SMAD2: variants seen among roughly 807,000 people sequenced by gnomAD.
The protein encoded by SMAD2 is SMAD family member 2.
A neutral mutation model predicts 64.4 loss-of-function variants in SMAD2; 8 were observed. The observed-to-expected ratio is 0.12, with a 90% CI of 0.07 to 0.22. The LOEUF (loss-of-function observed/expected upper bound fraction) is 0.22. Among genes scored for constraint, SMAD2 ranks in the 10% least tolerant of loss-of-function variants. The pLI, the probability that SMAD2 is intolerant of heterozygous loss-of-function variation, is 1.00. For synonymous variants in SMAD2, 203 were observed against 195.8 expected, an observed-to-expected ratio of 1.04 and a Z score of -0.31; for missense variants, 289 against 561.2, an observed-to-expected ratio of 0.51 and a Z score of 4.90.
At chr18:47,875,025 G>A (rs144992292) in intron 2 of SMAD2, among the ~76,000 whole-genome samples, 18 of 152,184 alleles carry the variant, frequency 1.2e-4, no homozygotes, top group South Asian at 1.0e-3. Flanking sequence ...CATTTAAAGC[G>A]CAGTTTGGGC....
At chr18:47,908,939 CAAG>C (rs1297061719) in intron 1 of SMAD2, among the ~76,000 whole-genome samples, 3 of 152,230 alleles carry the variant, frequency 2.0e-5, no homozygotes, top group Middle Eastern at 6.8e-3. Context: ...ACAGTGCTCC[CAAG>C]AAGCAGAGAA....
intron 1 of SMAD2, among the ~76,000 whole-genome samples, chr18:47,926,838 G>T (rs2034786787): frequency 6.6e-6 from 1 of 152,190 alleles, no homozygotes; most frequent in Non-Finnish European, 1.5e-5. Flanking sequence ...TCATTTGGGA[G>T]GACCCTTATA....
chr18:47,896,561 T>C lies in SMAD2; in HGVS notation c.196A>G (p.Thr66Ala). The change falls in exon 2 of 11, where the codon ACC (threonine) becomes GCC (alanine). Residue 66 changes from threonine to alanine, a missense_variant. Physicochemically the swap from Thr to Ala is moderately conservative, Grantham distance 58. Coordinates refer to ENST00000262160, the MANE Select transcript of SMAD2 (RefSeq NM_005901.6). ...GRLDELEKAI[T>A]TQNCNTKCVT... ...CATTTAGTATTACAGTTTTGAGTGG[T>C]GATGGCTTTCTCAAGCTCATCTAAT... is the stretch of plus-strand genomic sequence containing the variant. The C allele has an allele frequency of 1.2e-6, 2 of 1,614,190 alleles. No homozygotes were observed. The highest frequency in any genetic ancestry group is 1.1e-5 in the South Asian group (1 of 91,090).
Position 47,835,248 on chromosome 18 carries a change from AT to A in SMAD2, c.*6578del, listed in dbSNP as rs1913308161. The A allele has an allele frequency of 4.6e-6, 1 of 216,638 alleles. No individual in the cohort carries two copies. Among genetic ancestry groups the A allele is most frequent in the South Asian group, 1.9e-4 (1 of 5,376 alleles). 13.4% of individuals were successfully genotyped at this position (216,638 alleles called of 1,614,324 possible). A position where few individuals can be genotyped will look rare whatever the true frequency, so the allele number is the denominator to read the frequency against. On this transcript the variant is annotated 3_prime_UTR_variant, in exon 11 of 11. Coordinates refer to ENST00000262160, the MANE Select transcript of SMAD2 (RefSeq NM_005901.6). ...AAGAAAGTACCAATTTGGGTTCTAT[AT>A]TTTGTCAAACAGTTGGGTTTTTAAA...
intron 7 of SMAD2, among the ~76,000 whole-genome samples, chr18:47,850,486 T>C (rs868082969): frequency 6.9e-5 from 2 of 28,902 alleles, no homozygotes. Context: ...ATATATTATA[T>C]ATTATGTATA....
intron 5 of SMAD2, among the ~76,000 whole-genome samples, chr18:47,867,840 T>C (rs1024060599): frequency 6.6e-6 from 1 of 152,162 alleles, no homozygotes; most frequent in Non-Finnish European, 1.5e-5. Context: ...GTTCGTGTTA[T>C]AATATGTAAG....
At chr18:47,926,335 C>G (rs2034760815) in intron 1 of SMAD2, among the ~76,000 whole-genome samples, 1 of 152,172 alleles carries the variant, frequency 6.6e-6, no homozygotes, top group African/African-American at 2.4e-5. Flanking sequence ...ATGATTTAGG[C>G]TAATTGATGA....
intron 3 of SMAD2, among the ~76,000 whole-genome samples, chr18:47,869,907 C>T (rs2144381879): frequency 6.6e-6 from 1 of 152,132 alleles, no homozygotes; most frequent in South Asian, 2.1e-4. Context: ...ACTCTTTACC[C>T]AGTTGTGACT....
chr18:47,864,022 A>G (rs1005622704), intron 6 of SMAD2, among the ~76,000 whole-genome samples: 2 of 152,092 alleles, frequency 1.3e-5, no homozygotes, highest in African/African-American at 4.8e-5. Flanking sequence ...ATCTTTTCCC[A>G]TCATTCACTT....
At chr18:47,927,239 G>A (rs1268106897) in intron 1 of SMAD2, among the ~76,000 whole-genome samples, 1 of 152,154 alleles carries the variant, frequency 6.6e-6, no homozygotes, top group African/African-American at 2.4e-5. Context: ...AAGACTGGCC[G>A]TATCTTCAGT....
chr18:47,853,787 GCTGGCAAGTCACA>G (rs2030389391), intron 6 of SMAD2, among the ~76,000 whole-genome samples: 1 of 83,806 alleles, frequency 1.2e-5, no homozygotes, highest in Admixed American at 1.4e-4. Context: ...TCACAAATCT[GCTGGCAAGTCACA>G]ACAGGTACAA....
At chr18:47,886,364 T>A (rs1297210967) in intron 2 of SMAD2, among the ~76,000 whole-genome samples, 1 of 152,230 alleles carries the variant, frequency 6.6e-6, no homozygotes. Context: ...CATAGATTAA[T>A]GTTTTATACC....
chr18:47,890,884 G>C (rs908420201), intron 2 of SMAD2, among the ~76,000 whole-genome samples: 1 of 152,098 alleles, frequency 6.6e-6, no homozygotes, highest in Non-Finnish European at 1.5e-5. Flanking sequence ...AGCTATTCCT[G>C]GTTACCTAGA....
chr18:47,854,232 C>T (rs2030442880), intron 6 of SMAD2, among the ~76,000 whole-genome samples: 1 of 152,160 alleles, frequency 6.6e-6, no homozygotes, highest in Admixed American at 6.5e-5. Flanking sequence ...TGTGAATTAG[C>T]AGTGTCTACT....
chr18:47,849,134 A>G (rs1173610784), intron 7 of SMAD2, among the ~76,000 whole-genome samples: 1 of 152,124 alleles, frequency 6.6e-6, no homozygotes, highest in Non-Finnish European at 1.5e-5. Context: ...GTAATAATAA[A>G]AGGATACAAA....
Position 47,837,383 on chromosome 18 carries a change from A to T in SMAD2, c.*4444T>A, listed in dbSNP as rs1368465289. ...CGAGACCATCCTGGCCAACACGGTG[A>T]AACCCCGTCTCTACTAAAAATACAA... On this transcript the variant is annotated 3_prime_UTR_variant, in exon 11 of 11. Transcript: ENST00000262160. The T allele has an allele frequency of 5.2e-6, 1 of 191,446 alleles. No homozygotes were observed. Among genetic ancestry groups the T allele is most frequent in the East Asian group, 8.3e-5 (1 of 11,986 alleles). The allele number at this position is 191,446 out of a possible 1,614,324, so 11.9% of individuals were successfully genotyped here. A position where few individuals can be genotyped will look rare whatever the true frequency, so the allele number is the denominator to read the frequency against.
intron 1 of SMAD2, among the ~76,000 whole-genome samples, chr18:47,898,213 C>T (rs1468509093): frequency 2.0e-5 from 3 of 152,188 alleles, no homozygotes; most frequent in African/African-American, 7.2e-5. Context: ...TATCATTCCA[C>T]ATTGCTGGTG....
chr18:47,877,080 T>C lies in SMAD2; in HGVS notation c.237-6516A>G, dbSNP rs551145792. Reference sequence around the variant, plus strand: ...TATCTGCAAGATTTACTGCTGCAGTTAGACAACCAATAACAAAAGTAATAA... The same window carrying C: ...TATCTGCAAGATTTACTGCTGCAGTCAGACAACCAATAACAAAAGTAATAA... On this transcript the variant is annotated intron_variant, in intron 2 of 10. Coordinates refer to ENST00000262160, the MANE Select transcript of SMAD2 (RefSeq NM_005901.6). 9.9e-5 allele frequency among the ~76,000 whole-genome samples: 15 copies of C among 152,222 alleles called. No homozygotes were observed. In the South Asian group the frequency reaches 1.0e-3, roughly 11 times the overall value.
intron 1 of SMAD2, among the ~76,000 whole-genome samples, chr18:47,902,852 C>T (rs2033740737): frequency 6.6e-6 from 1 of 152,064 alleles, no homozygotes; most frequent in South Asian, 2.1e-4. Context: ...GGTGGAGCGG[C>T]TAGTGAGGAA....
Sources: gnomAD v4.1 joint callset for allele counts (sites outside exome capture counted in the v4.1 genomes callset) on GRCh38, gnomAD v4.1.1 for gene constraint, MANE v1.5 for transcripts, NCBI Gene and HGNC (gene_info 2026-07-23, HGNC 2026-07-21) for gene names.